Variants in GALNT17 observed in about 807,000 individuals in gnomAD.
GALNT17 encodes polypeptide N-acetylgalactosaminyltransferase 17, also known as UDP-GalNAc:polypeptide N-acetylgalactosaminyltransferase-like 3.
Under a neutral mutation model 63.7 loss-of-function variants are expected in GALNT17, and 29 were observed. That is an observed-to-expected ratio of 0.46 (90% confidence interval 0.34 to 0.62). The LOEUF (loss-of-function observed/expected upper bound fraction) is 0.62, where lower values mean the gene tolerates loss of function less well. Ranked by LOEUF, GALNT17 falls within the 20% of genes least tolerant of loss-of-function variation. GALNT17 has a pLI of 0.01. For missense variants in GALNT17, 603 were observed against 799.6 expected, an observed-to-expected ratio of 0.75 and a Z score of 2.97; for synonymous variants, 305 against 318.3, an observed-to-expected ratio of 0.96 and a Z score of 0.45.
At chr7:71,218,354 T>C (rs990053711) in intron 1 of GALNT17, among the ~76,000 whole-genome samples, 2 of 152,214 alleles carry the variant, frequency 1.3e-5, no homozygotes, top group Admixed American at 1.3e-4. Flanking sequence ...GTTTTTGTTC[T>C]TTCCTTGGAG....
At chr7:71,677,805 G>A (rs994026321) in intron 9 of GALNT17, among the ~76,000 whole-genome samples, 3 of 152,212 alleles carry the variant, frequency 2.0e-5, no homozygotes, top group Non-Finnish European at 4.4e-5. Flanking sequence ...GTGAGCCACC[G>A]TGCCCGGCCA....
intron 5 of GALNT17, among the ~76,000 whole-genome samples, chr7:71,423,644 T>G (rs915050292): frequency 6.6e-6 from 1 of 152,210 alleles, no homozygotes; most frequent in African/African-American, 2.4e-5. Flanking sequence ...CCAGGCCCAG[T>G]GGCCCTCACC....
intron 1 of GALNT17, among the ~76,000 whole-genome samples, chr7:71,188,165 G>C (rs1289717513): frequency 6.7e-6 from 1 of 148,896 alleles, no homozygotes; most frequent in Non-Finnish European, 1.5e-5. Context: ...TGTTTTTGCA[G>C]TTGCGAAATG....
chr7:71,519,731 T>TG (rs1290392778), intron 5 of GALNT17, among the ~76,000 whole-genome samples: 1 of 152,198 alleles, frequency 6.6e-6, no homozygotes, highest in Non-Finnish European at 1.5e-5. Flanking sequence ...CCCAAAGTGC[T>TG]GGGATTACAG....
intron 1 of GALNT17, among the ~76,000 whole-genome samples, chr7:71,263,855 C>T (rs1395752344): frequency 2.0e-5 from 3 of 150,758 alleles, no homozygotes; most frequent in South Asian, 4.2e-4. Context: ...ACCCGGGAGG[C>T]GGAGCTTGCA....
In GALNT17 at chr7:71,447,501, C is replaced by CA. The variant is rs538945559; in HGVS notation, c.962+26406dup. Among the ~76,000 whole-genome samples, 62 of 148,518 alleles carry CA rather than the reference C, an allele frequency of 4.2e-4. No homozygotes were observed. The South Asian group carries it at 4.5e-3, about 11-fold the overall frequency. ...AAGTATAATGCAAATAATCTAAAAT[C>CA]AAAAAAAAAATCTGAGATTTGCAAC... On this transcript the variant is annotated intron_variant, in intron 5 of 10. Transcript: ENST00000333538.
chr7:71,237,653 C>T (rs558355211), intron 1 of GALNT17, among the ~76,000 whole-genome samples: 120 of 152,268 alleles, frequency 7.9e-4, no homozygotes, highest in African/African-American at 2.6e-3. Context: ...CTATGGCACT[C>T]CAGCATGGGT....
intron 3 of GALNT17, among the ~76,000 whole-genome samples, chr7:71,394,872 C>T (rs533321564): frequency 3.3e-5 from 5 of 152,174 alleles, no homozygotes; most frequent in East Asian, 1.9e-4. Context: ...GAGGCCGAGG[C>T]GAGCAGATCA....
intron 1 of GALNT17, among the ~76,000 whole-genome samples, chr7:71,238,620 C>T (rs1789938400): frequency 6.6e-6 from 1 of 152,120 alleles, no homozygotes; most frequent in Non-Finnish European, 1.5e-5. Flanking sequence ...GACTGGGATT[C>T]TGTGTGTGTT....
In GALNT17 at chr7:71,571,268, C is replaced by T; in HGVS notation, c.963-17C>T. 1 of 1,611,986 alleles carries T rather than the reference C, an allele frequency of 6.2e-7. No individual in the cohort carries two copies. Among genetic ancestry groups the T allele is most frequent in the Non-Finnish European group, 8.5e-7 (1 of 1,178,118 alleles). On this transcript the variant is annotated splice_polypyrimidine_tract_variant and intron_variant, in intron 5 of 10. Coordinates refer to ENST00000333538, the MANE Select transcript of GALNT17 (RefSeq NM_022479.3). ...ACTGACACCTCAATGAGCTTCCCTT[C>T]TTTCTCCCTCCCTCAGGACCCCAGC...
intron 6 of GALNT17, among the ~76,000 whole-genome samples, chr7:71,593,259 C>CTTTTTTT (rs56193714): frequency 1.4e-5 from 1 of 70,992 alleles, no homozygotes; most frequent in African/African-American, 5.6e-5. Context: ...ATTTTTCTTC[C>CTTTTTTT]TTTTTTTTTT....
intron 6 of GALNT17, among the ~76,000 whole-genome samples, chr7:71,660,079 C>G (rs992151553): frequency 6.6e-6 from 1 of 152,216 alleles, no homozygotes; most frequent in African/African-American, 2.4e-5. Flanking sequence ...ACAGCAAGGA[C>G]CTTGTCTACT....
At chr7:71,445,131 G>A (rs1008626706) in intron 5 of GALNT17, among the ~76,000 whole-genome samples, 9 of 151,750 alleles carry the variant, frequency 5.9e-5, no homozygotes, top group Non-Finnish European at 2.9e-5. Context: ...GATGGTAATG[G>A]AGCTATAGCA....
intron 6 of GALNT17, among the ~76,000 whole-genome samples, chr7:71,585,916 T>C (rs1789710857): frequency 8.8e-6 from 1 of 113,918 alleles, no homozygotes; most frequent in African/African-American, 6.0e-5. Flanking sequence ...CCTGATTTCT[T>C]TTTTTTTTTT....
At chr7:71,233,050 G>A (rs1178989779) in intron 1 of GALNT17, among the ~76,000 whole-genome samples, 6 of 152,136 alleles carry the variant, frequency 3.9e-5, no homozygotes, top group Non-Finnish European at 8.8e-5. Context: ...TACAGAGGGG[G>A]AAACTGAGGT....
intron 1 of GALNT17, among the ~76,000 whole-genome samples, chr7:71,256,960 T>A (rs1390021812): frequency 6.6e-6 from 1 of 152,152 alleles, no homozygotes; most frequent in Non-Finnish European, 1.5e-5. Context: ...GGGAAGAGTT[T>A]TTCTAAAAGG....
intron 5 of GALNT17, among the ~76,000 whole-genome samples, chr7:71,502,296 G>T (rs758201689): frequency 6.6e-6 from 1 of 152,044 alleles, no homozygotes; most frequent in Non-Finnish European, 1.5e-5. Flanking sequence ...GTCTTGTTAC[G>T]TGTGATGTTG....
At chr7:71,321,395 TCTC>T (rs1330100903) in intron 1 of GALNT17, among the ~76,000 whole-genome samples, 1 of 152,146 alleles carries the variant, frequency 6.6e-6, no homozygotes, top group Non-Finnish European at 1.5e-5. Context: ...GTGTTTATCT[TCTC>T]CTCACACAGG....
chr7:71,296,094 G>A (rs192716795), intron 1 of GALNT17, among the ~76,000 whole-genome samples: 1 of 151,906 alleles, frequency 6.6e-6, no homozygotes, highest in Admixed American at 6.6e-5. Flanking sequence ...TCATAGTTGG[G>A]GCTATTCCTC....
Sources: allele counts gnomAD v4.1 joint callset (sites outside exome capture counted in the v4.1 genomes callset), GRCh38; gene constraint gnomAD v4.1.1; transcripts MANE v1.5; gene names NCBI Gene and HGNC (gene_info 2026-07-23, HGNC 2026-07-21).